Variants in CRACR2A observed in about 807,000 individuals in gnomAD.
CRACR2A encodes calcium release activated channel regulator 2A.
A neutral mutation model predicts 90.5 loss-of-function variants in CRACR2A; 79 were observed. The ratio of observed to expected loss-of-function variants is 0.87; its 90% confidence interval spans 0.73 to 1.05. CRACR2A has a LOEUF of 1.05. Ranked by LOEUF, CRACR2A falls within the 50% of genes least tolerant of loss-of-function variation. CRACR2A has a pLI of 0.00. For synonymous variants in CRACR2A, 338 were observed against 356.7 expected (o/e 0.95, Z 0.59); for missense variants, 823 against 897.2 (o/e 0.92, Z 1.06).
chr12:3,695,199 C>T (rs776995468), intron 4 of CRACR2A, among the ~76,000 whole-genome samples: 1 of 152,112 alleles, frequency 6.6e-6, no homozygotes, highest in Non-Finnish European at 1.5e-5. Flanking sequence ...AGGGAATAAT[C>T]AAAAGTTAAG....
intron 3 of CRACR2A, among the ~76,000 whole-genome samples, chr12:3,700,555 G>C (rs1456436642): frequency 6.6e-6 from 1 of 152,162 alleles, no homozygotes; most frequent in Non-Finnish European, 1.5e-5. Flanking sequence ...TTAGTTAAGA[G>C]AATACTGCAT....
chr12:3,646,580 G>A (rs141244709), intron 11 of CRACR2A, among the ~76,000 whole-genome samples: 1 of 152,334 alleles, frequency 6.6e-6, no homozygotes, highest in East Asian at 1.9e-4. Flanking sequence ...CATGAGGTGA[G>A]CAGGCAGGCA....
In CRACR2A at chr12:3,697,024, C is replaced by CT. The variant is rs1157530619; in HGVS notation, c.-26dup. Reference sequence around the variant, plus strand: ...TCGCGATTAGTCAGTTTCTTGAAGTCTTTTTCAGAACCTGAACATAGAAAA... The same window carrying CT: ...TCGCGATTAGTCAGTTTCTTGAAGTCTTTTTTCAGAACCTGAACATAGAAAA... On this transcript the variant is annotated 5_prime_UTR_variant, in exon 4 of 20. It removes the in-frame stop codon of an upstream open reading frame in the 5' UTR. Coordinates refer to ENST00000440314, the MANE Select transcript of CRACR2A (RefSeq NM_001144958.2). 1 of 1,582,044 alleles carries CT rather than the reference C, an allele frequency of 6.3e-7. No individual in the cohort carries two copies. The highest frequency in any genetic ancestry group is 8.6e-7 in the Non-Finnish European group (1 of 1,162,400).
intron 4 of CRACR2A, among the ~76,000 whole-genome samples, chr12:3,689,779 CT>C (rs56350961): frequency 1.1e-4 from 16 of 145,778 alleles, no homozygotes; most frequent in Middle Eastern, 3.5e-3. Flanking sequence ...ACCAGCTTTT[CT>C]TTTTTTTTTT....
intron 8 of CRACR2A, among the ~76,000 whole-genome samples, chr12:3,658,835 A>G (rs1247126853): frequency 2.0e-5 from 3 of 151,616 alleles, no homozygotes; most frequent in Admixed American, 6.5e-5. Flanking sequence ...TTTTTTTTAA[A>G]TTAGTTTTAT....
chr12:3,702,026 T>C (rs1300928399), intron 3 of CRACR2A, among the ~76,000 whole-genome samples: 2 of 152,216 alleles, frequency 1.3e-5, no homozygotes, highest in African/African-American at 4.8e-5. Context: ...AAATCAATAA[T>C]GTAATTTACC....
intron 2 of CRACR2A, among the ~76,000 whole-genome samples, chr12:3,722,475 T>C (rs544540543): frequency 1.3e-5 from 2 of 152,076 alleles, no homozygotes; most frequent in Admixed American, 6.5e-5. Context: ...ACTAGACCCA[T>C]GAGAGGCCGT....
chr12:3,653,937 T>C (rs1249787325), intron 10 of CRACR2A, among the ~76,000 whole-genome samples: 1 of 152,262 alleles, frequency 6.6e-6, no homozygotes, highest in Non-Finnish European at 1.5e-5. Flanking sequence ...ACCTCATATT[T>C]GTTTGCGGAA....
chr12:3,634,652 AT>A (rs1944428594), intron 14 of CRACR2A, among the ~76,000 whole-genome samples: 1 of 152,218 alleles, frequency 6.6e-6, no homozygotes, highest in Non-Finnish European at 1.5e-5. Context: ...GCCTGGTCAC[AT>A]GGGGAGGCTC....
chr12:3,640,682 C>A lies in CRACR2A; in HGVS notation c.1271+1050G>T, dbSNP rs1442802111. On this transcript the variant is annotated intron_variant, in intron 13 of 19. Coordinates refer to ENST00000440314, the MANE Select transcript of CRACR2A (RefSeq NM_001144958.2). ...CTGATTTACATCTCCAGAGTCACTT[C>A]CGCTTTGCATATCTTTTTCATTTCA... The A allele has an allele frequency of 3.1e-6, 4 of 1,305,294 alleles. No individual in the cohort carries two copies. In the African/African-American group the frequency reaches 6.1e-5, roughly 20 times the overall value. The allele number at this position is 1,305,294 out of a possible 1,614,324, so 80.9% of individuals were successfully genotyped here. A position where few individuals can be genotyped will look rare whatever the true frequency, so the allele number is the denominator to read the frequency against.
intron 3 of CRACR2A, among the ~76,000 whole-genome samples, chr12:3,709,100 G>T (rs1945973124): frequency 6.6e-6 from 1 of 152,206 alleles, no homozygotes; most frequent in Non-Finnish European, 1.5e-5. Flanking sequence ...TCTAGCAGGG[G>T]ACAACGTACA....
intron 8 of CRACR2A, among the ~76,000 whole-genome samples, chr12:3,658,820 C>CA (rs1565478274): frequency 2.7e-5 from 4 of 145,896 alleles, no homozygotes. Context: ...TTCTCTGAAG[C>CA]TTTTTTTTTT....
intron 19 of CRACR2A, 135 bp downstream of exon 19, chr12:3,616,819 A>T (rs913607060): frequency 2.3e-5 from 15 of 666,646 alleles, no homozygotes; most frequent in Non-Finnish European, 3.7e-5. Context: ...CGTTGCCTAT[A>T]CTCAGAGGGC....
At chr12:3,743,506 A>G (rs1423356590) in intron 1 of CRACR2A, among the ~76,000 whole-genome samples, 4 of 152,296 alleles carry the variant, frequency 2.6e-5, no homozygotes, top group Non-Finnish European at 5.9e-5. Context: ...CCTTTGTAGG[A>G]AGCCAGTCAG....
At chr12:3,654,161 T>G in intron 10 of CRACR2A, 51 bp downstream of exon 10, 1 of 1,585,292 alleles carries the variant, frequency 6.3e-7, no homozygotes, top group Non-Finnish European at 8.5e-7. Context: ...ATGCCCATAG[T>G]GGGGAGTGGT....
intron 3 of CRACR2A, among the ~76,000 whole-genome samples, chr12:3,705,676 AG>A (rs1423295029): frequency 2.8e-4 from 42 of 152,362 alleles, no homozygotes; most frequent in African/African-American, 1.0e-3. Flanking sequence ...GCAAAGAGAT[AG>A]GTGGGTCTCT....
intron 2 of CRACR2A, among the ~76,000 whole-genome samples, chr12:3,722,128 T>C (rs1463725089): frequency 6.6e-6 from 1 of 152,218 alleles, no homozygotes; most frequent in Non-Finnish European, 1.5e-5. Context: ...CATGGCTTAT[T>C]CATTCTGTAA....
chr12:3,678,879 C>A (rs1276762655), intron 6 of CRACR2A, 36 bp downstream of exon 6: 2 of 1,567,884 alleles, frequency 1.3e-6, no homozygotes, highest in Non-Finnish European at 1.7e-6. Flanking sequence ...TCCTACCAGG[C>A]TGGTCTCCGT....
At chr12:3,649,274 G>T (rs1264896826) in intron 10 of CRACR2A, among the ~76,000 whole-genome samples, 1 of 119,026 alleles carries the variant, frequency 8.4e-6, no homozygotes, top group African/African-American at 3.8e-5. Context: ...ATAAAAAAGA[G>T]TTTGTCCAGG....
Sources: allele counts gnomAD v4.1 joint callset (sites outside exome capture counted in the v4.1 genomes callset), GRCh38; gene constraint gnomAD v4.1.1; transcripts MANE v1.5; gene names NCBI Gene and HGNC (gene_info 2026-07-23, HGNC 2026-07-21).